The following CYRIB variants were observed in gnomAD, a reference collection of about 807,000 sequenced individuals.
CYRIB encodes the protein CYFIP-related Rac1 interactor B.
Under a neutral mutation model 44.2 loss-of-function variants are expected in CYRIB, and 8 were observed. The observed-to-expected ratio is 0.18, with a 90% CI of 0.11 to 0.33. CYRIB has a LOEUF of 0.33. Ranked by LOEUF, CYRIB falls within the 10% of genes least tolerant of loss-of-function variation. The pLI is 1.00. For missense variants in CYRIB, 185 were observed against 382.8 expected (o/e 0.48, Z 4.31); for synonymous variants, 131 against 127.2 (o/e 1.03, Z -0.20).
intron 5 of CYRIB, among the ~76,000 whole-genome samples, chr8:129,859,098 G>C (rs1435637465): frequency 1.3e-5 from 2 of 152,192 alleles, no homozygotes; most frequent in African/African-American, 4.8e-5. Context: ...TTGGATACAA[G>C]ACGAAGGGGC....
intron 2 of CYRIB, among the ~76,000 whole-genome samples, chr8:129,898,362 T>A (rs978764128): frequency 3.9e-5 from 6 of 152,064 alleles, no homozygotes; most frequent in Non-Finnish European, 8.8e-5. Flanking sequence ...AGAAAAAAAA[T>A]TTCACTGGAA....
intron 2 of CYRIB, among the ~76,000 whole-genome samples, chr8:129,900,288 C>A (rs1321305044): frequency 6.6e-6 from 1 of 152,156 alleles, no homozygotes; most frequent in African/African-American, 2.4e-5. Context: ...CAGATGACAT[C>A]AAAAGAATTA....
intron 2 of CYRIB, among the ~76,000 whole-genome samples, chr8:129,958,445 T>A (rs2095011340): frequency 6.6e-6 from 1 of 152,204 alleles, no homozygotes; most frequent in Non-Finnish European, 1.5e-5. Flanking sequence ...AATTTAGGAA[T>A]CACACTGGCT....
intron 2 of CYRIB, among the ~76,000 whole-genome samples, chr8:129,965,248 CTGTGTGTGTG>C (rs3077879): frequency 4.0e-5 from 6 of 148,786 alleles, no homozygotes; most frequent in African/African-American, 1.2e-4. Flanking sequence ...CCCCCAGACA[CTGTGTGTGTG>C]TGTGTGTGTG....
At chr8:129,885,256 C>A (rs747546914) in intron 2 of CYRIB, among the ~76,000 whole-genome samples, 15 of 152,186 alleles carry the variant, frequency 9.9e-5, no homozygotes, top group Non-Finnish European at 1.5e-4. Context: ...TTTGAAGAGG[C>A]CTTTCTCTGC....
intron 1 of CYRIB, among the ~76,000 whole-genome samples, chr8:129,974,364 TAAG>T (rs1353084121): frequency 2.0e-5 from 3 of 152,136 alleles, no homozygotes; most frequent in African/African-American, 7.2e-5. Context: ...TTGCTTATTT[TAAG>T]AAGAAAACCC....
chr8:129,958,518 C>T (rs939883683), intron 2 of CYRIB, among the ~76,000 whole-genome samples: 1 of 152,072 alleles, frequency 6.6e-6, no homozygotes. Context: ...TTAACATGGG[C>T]CCAAGGGAAG....
At chr8:129,942,950 G>T (rs553387602), upstream of CYRIB, among the ~76,000 whole-genome samples, 8 of 152,220 alleles carry the variant, frequency 5.3e-5, no homozygotes, top group African/African-American at 1.9e-4. Context: ...ATTTCACAAG[G>T]TCCTGTGGCT....
At chr8:129,981,332 G>A (rs139181622) in intron 1 of CYRIB, among the ~76,000 whole-genome samples, 1,828 of 152,256 alleles carry the variant, frequency 0.012, 16 homozygotes, top group Middle Eastern at 0.024. Context: ...TGGTTGGTTG[G>A]TAAAGATGGG....
chr8:129,927,249 G>A (rs995271882), intron 1 of CYRIB, among the ~76,000 whole-genome samples: 2 of 152,068 alleles, frequency 1.3e-5, no homozygotes, highest in Admixed American at 6.6e-5. Context: ...CCGAGATTGC[G>A]CCACTGCACT....
At position 129,907,389 on chromosome 8, in the gene CYRIB, T is replaced by C. The variant is rs541622397; in HGVS notation, c.-49-4039A>G. ...CATGTTCTCACTCATAGGTGGGAACTGAACAATGACAACACTTGGACACAG... is the reference window on the plus strand; with the variant it reads ...CATGTTCTCACTCATAGGTGGGAACCGAACAATGACAACACTTGGACACAG... On this transcript the variant is annotated intron_variant, in intron 1 of 11. Coordinates refer to ENST00000519824, the Ensembl canonical transcript of CYRIB. 4.2e-4 allele frequency among the ~76,000 whole-genome samples: 63 copies of C among 151,506 alleles called. 1 individual carries two copies. In the South Asian group the frequency reaches 0.013, roughly 30 times the overall value.
chr8:129,950,278 TAAAG>T (rs2131294948), intron 2 of CYRIB, among the ~76,000 whole-genome samples: 1 of 152,212 alleles, frequency 6.6e-6, no homozygotes, highest in African/African-American at 2.4e-5. Flanking sequence ...ATCTATAAAA[TAAAG>T]ACAGTGTCCG....
At chr8:129,880,737 T>G (rs570327375) in intron 2 of CYRIB, among the ~76,000 whole-genome samples, 1 of 152,374 alleles carries the variant, frequency 6.6e-6, no homozygotes, top group South Asian at 2.1e-4. Context: ...CTATCTATGT[T>G]AGTGTTACTC....
At chr8:130,006,638 G>GTATATATATACACATATATA (rs1564799913) in intron 1 of CYRIB, among the ~76,000 whole-genome samples, 1 of 84,916 alleles carries the variant, frequency 1.2e-5, no homozygotes, top group African/African-American at 4.4e-5. Context: ...ACATATATAT[G>GTATATATATACACATATATA]TGTATATATA....
intron 1 of CYRIB, among the ~76,000 whole-genome samples, chr8:129,906,515 G>T (rs1202129349): frequency 6.6e-6 from 1 of 152,072 alleles, no homozygotes; most frequent in Non-Finnish European, 1.5e-5. Flanking sequence ...GAAAACCTAC[G>T]CAATACCATT....
At chr8:129,919,183 T>C (rs1452039060) in intron 1 of CYRIB, among the ~76,000 whole-genome samples, 1 of 152,108 alleles carries the variant, frequency 6.6e-6, no homozygotes, top group African/African-American at 2.4e-5. Flanking sequence ...ATAGATATAG[T>C]TTTTCTGGAC....
intron 2 of CYRIB, among the ~76,000 whole-genome samples, chr8:129,887,716 G>A (rs922637607): frequency 3.9e-5 from 6 of 152,190 alleles, no homozygotes; most frequent in Non-Finnish European, 8.8e-5. Flanking sequence ...TATGAGACAC[G>A]GAGTCAAAGG....
chr8:129,849,090 C>T (rs985480160), intron 10 of CYRIB, among the ~76,000 whole-genome samples, 153 bp downstream of exon 12: 1 of 152,112 alleles, frequency 6.6e-6, no homozygotes, highest in Non-Finnish European at 1.5e-5. Flanking sequence ...AGAAAAACAG[C>T]ACAGGGACAG....
At chr8:129,901,243 C>G (rs1477713828) in intron 2 of CYRIB, among the ~76,000 whole-genome samples, 2 of 151,378 alleles carry the variant, frequency 1.3e-5, no homozygotes, top group African/African-American at 4.9e-5. Flanking sequence ...TTTTGAGAGA[C>G]AGAGTATCTA....
Sources: allele counts gnomAD v4.1 joint callset (sites outside exome capture counted in the v4.1 genomes callset), GRCh38; gene constraint gnomAD v4.1.1; transcripts MANE v1.5; gene names NCBI Gene and HGNC (gene_info 2026-07-23, HGNC 2026-07-21).